Variants in OTOGL observed in about 807,000 individuals in gnomAD.
The protein encoded by OTOGL is otogelin-like protein.
A neutral mutation model predicts 318.5 loss-of-function variants in OTOGL; 285 were observed. The ratio of observed to expected loss-of-function variants is 0.89; its 90% confidence interval spans 0.81 to 0.99. The LOEUF (loss-of-function observed/expected upper bound fraction) is 0.99. Ranked by LOEUF, OTOGL falls within the 50% of genes least tolerant of loss-of-function variation. The probability of loss-of-function intolerance (pLI) is 0.00; values close to 1 mark genes in which losing one functional copy is unlikely to be tolerated. For synonymous variants in OTOGL, 987 were observed against 936.5 expected, an observed-to-expected ratio of 1.05 and a Z score of -0.99; for missense variants, 2,899 against 2,845.6, an observed-to-expected ratio of 1.02 and a Z score of -0.43.
Position 80,271,693 on chromosome 12 carries a change from C to T in OTOGL, c.2564C>T (p.Pro855Leu), listed in dbSNP as rs183159689. ...EGKEYFDCRF[P>L]DPELPAGGVN... ...AAAGAGTATTTCGACTGCAGGTTTCCTGACCCTGAATTACCAGCTGGTGGT... is the reference window on the plus strand; with the variant it reads ...AAAGAGTATTTCGACTGCAGGTTTCTTGACCCTGAATTACCAGCTGGTGGT... Residue 855 changes from proline to leucine, a missense_variant, in exon 24 of 59, where the codon CCT (proline) becomes CTT (leucine). Coordinates refer to ENST00000547103, the MANE Select transcript of OTOGL (RefSeq NM_001378609.3). The T allele has an allele frequency of 6.1e-4, 990 of 1,613,152 alleles. 5 individuals are homozygous for T. Among genetic ancestry groups the T allele is most frequent in the Middle Eastern group, 5.6e-3 (34 of 6,056 alleles).
chr12:80,309,685 C>G (rs958525744), intron 29 of OTOGL, among the ~76,000 whole-genome samples: 2 of 152,112 alleles, frequency 1.3e-5, no homozygotes, highest in African/African-American at 4.8e-5. Context: ...TCCTGGCTTC[C>G]TGGGTGGATA....
intron 1 of OTOGL, chr12:80,189,555 A>C (rs1409590677): frequency 1.3e-6 from 1 of 783,704 alleles, no homozygotes; most frequent in Non-Finnish European, 1.5e-6. Flanking sequence ...AAGCTTCTGA[A>C]ATGACAATAT....
Position 80,323,710 on chromosome 12 carries a change from T to A in OTOGL, c.4082-13T>A. 5 of 1,595,406 alleles carry A rather than the reference T, an allele frequency of 3.1e-6. No individual in the cohort carries two copies. The highest frequency in any genetic ancestry group is 2.7e-5 in the African/African-American group (2 of 74,586). ...TTAAATATGCACACAATCTAAACTTTATTTTTTCCCAGAAATCCAGGCAGC... is the reference window on the plus strand; with the variant it reads ...TTAAATATGCACACAATCTAAACTTAATTTTTTCCCAGAAATCCAGGCAGC... On this transcript the variant is annotated splice_polypyrimidine_tract_variant and intron_variant, in intron 34 of 58. Coordinates refer to ENST00000547103, the MANE Select transcript of OTOGL (RefSeq NM_001378609.3).
At chr12:80,364,653 A>C (rs529333713) in intron 52 of OTOGL, among the ~76,000 whole-genome samples, 1 of 152,132 alleles carries the variant, frequency 6.6e-6, no homozygotes, top group East Asian at 1.9e-4. Flanking sequence ...ATTTCCTATA[A>C]AGAGAATTGT....
intron 19 of OTOGL, among the ~76,000 whole-genome samples, chr12:80,262,681 A>G (rs1882641981): frequency 6.6e-6 from 1 of 152,124 alleles, no homozygotes. Flanking sequence ...TTTAAAACTA[A>G]AGCCCCAGCA....
intron 19 of OTOGL, among the ~76,000 whole-genome samples, chr12:80,264,533 C>T (rs1882794095): frequency 6.6e-6 from 1 of 152,202 alleles, no homozygotes; most frequent in Admixed American, 6.5e-5. Context: ...GCATCTGACA[C>T]ATTACCATTC....
rs888355517 is a variant in OTOGL, at chr12:80,352,327, G to C, written c.5298G>C (p.Trp1766Cys). The change falls in exon 45 of 59, where the codon TGG becomes TGC. Residue 1766 changes from tryptophan (W) to cysteine (C), a missense_variant. Physicochemically the swap from Trp to Cys is radical, Grantham distance 215 (BLOSUM62 -2). Around this residue, in one of 3 missense-constraint regions of OTOGL, gnomAD observed 2,607 missense variants for 2,524.9 expected, o/e 1.03. Transcript: ENST00000547103. ...CGGAAGACTTTTGTGAAAAGATGTG[G>C]ATCAATTATACCTATTTTTGGAACT... is the stretch of plus-strand genomic sequence containing the variant. The part of the protein sequence containing the change: ...VSPEDFCEKM[W>C]INYTYFWNYE... 19 of 1,610,954 alleles carry C rather than the reference G, an allele frequency of 1.2e-5. No homozygotes were observed. Among genetic ancestry groups the C allele is most frequent in the Non-Finnish European group, 1.5e-5 (18 of 1,178,992 alleles).
At chr12:80,171,691 C>T (rs1592516052) in intron 1 of OTOGL, among the ~76,000 whole-genome samples, 1 of 152,036 alleles carries the variant, frequency 6.6e-6, no homozygotes, top group Admixed American at 6.5e-5. Flanking sequence ...TTATATCTAC[C>T]AAACTTCTCC....
rs1288352110 is a variant in OTOGL at position 80,101,563 on chromosome 12, T to G, written c.-20+1958T>G. ...GACAAATAATTATATGATAGCCTTGTTATAACATATTCATCATGTAGAGCA... is the reference window on the plus strand; with the variant it reads ...GACAAATAATTATATGATAGCCTTGGTATAACATATTCATCATGTAGAGCA... On this transcript the variant is annotated intron_variant, in intron 1 of 58. Coordinates refer to ENST00000547103, the MANE Select transcript of OTOGL (RefSeq NM_001378609.3). 3.9e-5 allele frequency among the ~76,000 whole-genome samples: 6 copies of G among 152,312 alleles called. No individual in the cohort carries two copies. In the East Asian group the frequency reaches 1.2e-3, roughly 29 times the overall value.
At chr12:80,315,721 G>A (rs1421376357) in intron 32 of OTOGL, among the ~76,000 whole-genome samples, 1 of 152,138 alleles carries the variant, frequency 6.6e-6, no homozygotes, top group African/African-American at 2.4e-5. Context: ...GAATTAAAAA[G>A]AAAATGGGCA....
intron 1 of OTOGL, among the ~76,000 whole-genome samples, chr12:80,127,854 C>T (rs1050244582): frequency 6.6e-6 from 1 of 152,210 alleles, no homozygotes; most frequent in Admixed American, 6.5e-5. Flanking sequence ...CTTGTGCATG[C>T]ATCACGTAGT....
At position 80,310,704 on chromosome 12, in the gene OTOGL, A is replaced by G. The variant is rs117462138; in HGVS notation, c.3427A>G (p.Ile1143Val). 3.6e-3 allele frequency: 5,688 copies of G among 1,586,528 alleles called. 13 individuals carry two copies. The highest frequency in any genetic ancestry group is 4.3e-3 in the Non-Finnish European group (5,047 of 1,168,116). Residue 1143 changes from isoleucine to valine, a missense_variant, in exon 30 of 59, where the codon ATT becomes GTT. Ile to Val is a conservative substitution (Grantham distance 29). Around this residue, in one of 3 missense-constraint regions of OTOGL, gnomAD observed 2,607 missense variants for 2,524.9 expected, o/e 1.03. Coordinates refer to ENST00000547103, the MANE Select transcript of OTOGL (RefSeq NM_001378609.3). ...KKECSILYSD[I>V]FASCRNVIDV... ...AGAATGCTCCATTTTGTACAGTGATATTTTTGCTTCTTGTCGCAATGTGGT... is the reference window on the plus strand; with the variant it reads ...AGAATGCTCCATTTTGTACAGTGATGTTTTTGCTTCTTGTCGCAATGTGGT...
chr12:80,313,563 A>G lies in OTOGL; in HGVS notation c.3538A>G (p.Ile1180Val), dbSNP rs761161964. 2.5e-6 allele frequency: 4 copies of G among 1,612,570 alleles called. No individual in the cohort carries two copies. The highest frequency in any genetic ancestry group is 3.4e-6 in the Non-Finnish European group (4 of 1,178,816). Residue 1180 changes from isoleucine to valine, a missense_variant, in exon 31 of 59, where the codon ATA becomes GTA. Ile to Val is a conservative substitution (Grantham distance 29). Coordinates refer to ENST00000547103, the MANE Select transcript of OTOGL (RefSeq NM_001378609.3). ...CGACTGTGAGTGTTTGTGCACTAGT[A>G]TAGCTGCATATGCATACAAGTGTTG... is the stretch of plus-strand genomic sequence containing the variant. ...GGDCECLCTS[I>V]AAYAYKCCQE... is the part of the protein sequence containing the mutation.
At chr12:80,360,185 G>T (rs964366026) in intron 52 of OTOGL, among the ~76,000 whole-genome samples, 1 of 152,176 alleles carries the variant, frequency 6.6e-6, no homozygotes, top group Non-Finnish European at 1.5e-5. Context: ...CTTAGTGTCT[G>T]ACATATAGAA....
chr12:80,131,354 G>A (rs907656034), intron 1 of OTOGL, among the ~76,000 whole-genome samples: 1 of 152,168 alleles, frequency 6.6e-6, no homozygotes, highest in Non-Finnish European at 1.5e-5. Context: ...ATACATGCTG[G>A]AGGCTTTCCC....
chr12:80,301,481 T>A (rs1885756935), intron 27 of OTOGL, among the ~76,000 whole-genome samples: 1 of 152,238 alleles, frequency 6.6e-6, no homozygotes. Context: ...TGCAAACGTC[T>A]CAGGCTATGA....
At chr12:80,177,175 CTTTTTATATT>C (rs1337528598) in intron 1 of OTOGL, among the ~76,000 whole-genome samples, 1 of 151,994 alleles carries the variant, frequency 6.6e-6, no homozygotes, top group East Asian at 1.9e-4. Context: ...TAGTTCATGT[CTTTTTATATT>C]TAAGAAATCT....
At position 80,212,117 on chromosome 12, in the gene OTOGL, G is replaced by A. The variant is rs1592551927; in HGVS notation, c.168+120G>A. The A allele has an allele frequency of 5.0e-6, 5 of 1,004,420 alleles. No individual in the cohort carries two copies. The East Asian group carries it at 1.1e-4, about 22-fold the overall frequency. The allele number at this position is 1,004,420 out of a possible 1,614,324, so 62.2% of individuals were successfully genotyped here. A position where few individuals can be genotyped will look rare whatever the true frequency, so the allele number is the denominator to read the frequency against. Reference sequence around the variant, plus strand: ...GAATAAAATGCTAAGAACAAGACAGGAAGGAGGAGGAAGAAGCAAAGTAAC... The same window carrying A: ...GAATAAAATGCTAAGAACAAGACAGAAAGGAGGAGGAAGAAGCAAAGTAAC... On this transcript the variant is annotated intron_variant, in intron 4 of 58. Coordinates refer to ENST00000547103, the MANE Select transcript of OTOGL (RefSeq NM_001378609.3).
intron 23 of OTOGL, among the ~76,000 whole-genome samples, 159 bp downstream of exon 23, chr12:80,270,313 A>G (rs955982233): frequency 3.3e-5 from 5 of 152,106 alleles, no homozygotes; most frequent in Non-Finnish European, 5.9e-5. Flanking sequence ...AACTTTTTCC[A>G]CATTGAAAAT....
Sources: allele counts gnomAD v4.1 joint callset (sites outside exome capture counted in the v4.1 genomes callset), GRCh38; gene constraint gnomAD v4.1.1; regional missense constraint gnomAD v4.1.1; transcripts MANE v1.5; gene names NCBI Gene and HGNC (gene_info 2026-07-23, HGNC 2026-07-21).